Variants in BCKDHB observed in about 807,000 individuals in gnomAD.
BCKDHB encodes branched chain keto acid dehydrogenase E1 subunit beta, also known as 2-oxoisovalerate dehydrogenase subunit beta, mitochondrial.
Under a neutral mutation model 48.5 loss-of-function variants are expected in BCKDHB, and 41 were observed. That is an observed-to-expected ratio of 0.85 (90% CI 0.66 to 1.10). The LOEUF is 1.10. BCKDHB is among the 50% of genes least tolerant of loss of function. BCKDHB has a pLI of 0.00. For missense variants in BCKDHB, 496 were observed against 494.2 expected (o/e 1.00, Z -0.03); for synonymous variants, 201 against 174.8 (o/e 1.15, Z -1.18).
At chr6:80,407,399 C>T in the BCKDHB span, among the ~76,000 whole-genome samples, 1 of 152,012 alleles carries the variant, frequency 6.6e-6, no homozygotes, top group East Asian at 1.9e-4. Flanking sequence ...TGAAGAAAGT[C>T]ATTGGTAGCT....
At chr6:80,432,233 C>T in the BCKDHB span, among the ~76,000 whole-genome samples, 1 of 152,116 alleles carries the variant, frequency 6.6e-6, no homozygotes, top group Non-Finnish European at 1.5e-5. Flanking sequence ...GCCTGCCTTG[C>T]TAGGTTGGGG....
chr6:80,129,337 TG>T (rs1174613311), intron 3 of BCKDHB, 108 bp downstream of exon 3: 4 of 879,224 alleles, frequency 4.5e-6, no homozygotes, highest in African/African-American at 1.7e-5. Flanking sequence ...ATTGTATGGA[TG>T]AATTCCTTTT....
chr6:80,453,645 G>A, the BCKDHB span, among the ~76,000 whole-genome samples: 13 of 152,104 alleles, frequency 8.5e-5, no homozygotes, highest in African/African-American at 3.1e-4. Context: ...AAAGCCCTGA[G>A]GAAATGAGAC....
chr6:80,334,956 C>T (rs920573959), intron 9 of BCKDHB, among the ~76,000 whole-genome samples: 1 of 151,634 alleles, frequency 6.6e-6, no homozygotes, highest in African/African-American at 2.4e-5. Context: ...GCTTCTCATA[C>T]TTTTTAGAAA....
At chr6:80,460,951 T>G in the BCKDHB span, among the ~76,000 whole-genome samples, 1 of 152,140 alleles carries the variant, frequency 6.6e-6, no homozygotes, top group African/African-American at 2.4e-5. Flanking sequence ...GATTCTCCAC[T>G]CTACCTTATG....
At chr6:80,261,751 T>C (rs1473785804) in intron 8 of BCKDHB, among the ~76,000 whole-genome samples, 5 of 152,176 alleles carry the variant, frequency 3.3e-5, no homozygotes, top group Admixed American at 1.3e-4. Flanking sequence ...CGGTTGAGAG[T>C]ACACAGTGGT....
At chr6:80,328,924 A>G (rs1478700612) in intron 9 of BCKDHB, among the ~76,000 whole-genome samples, 2 of 152,208 alleles carry the variant, frequency 1.3e-5, no homozygotes, top group Admixed American at 1.3e-4. Context: ...CATTTATAAA[A>G]ATACAATCTT....
intron 3 of BCKDHB, among the ~76,000 whole-genome samples, chr6:80,149,494 A>C (rs1384608110): frequency 1.3e-5 from 2 of 152,064 alleles, no homozygotes; most frequent in African/African-American, 2.4e-5. Flanking sequence ...ACTATAAATC[A>C]TGCTGCTATA....
At chr6:80,342,876 GT>G (rs1769989748) in intron 9 of BCKDHB, among the ~76,000 whole-genome samples, 1 of 152,144 alleles carries the variant, frequency 6.6e-6, no homozygotes, top group African/African-American at 2.4e-5. Context: ...TGTGGTTGAG[GT>G]TTTCATGTTT....
chr6:80,116,779 G>A (rs768533383), intron 1 of BCKDHB, among the ~76,000 whole-genome samples: 1 of 152,210 alleles, frequency 6.6e-6, no homozygotes, highest in Non-Finnish European at 1.5e-5. Flanking sequence ...GTTTTAAAAT[G>A]TAGCAGTCAT....
intron 5 of BCKDHB, chr6:80,169,794 T>A: frequency 6.3e-7 from 1 of 1,599,720 alleles, no homozygotes; most frequent in Non-Finnish European, 8.5e-7. Context: ...TTTTTTCTTA[T>A]TTGTTTTTTC....
intron 8 of BCKDHB, among the ~76,000 whole-genome samples, chr6:80,253,243 C>T (rs1369398429): frequency 6.6e-6 from 1 of 152,084 alleles, no homozygotes. Flanking sequence ...CCAGTCTAGT[C>T]CTGTAACACC....
the BCKDHB span, among the ~76,000 whole-genome samples, chr6:80,444,149 G>A: frequency 6.6e-6 from 1 of 151,996 alleles, no homozygotes; most frequent in African/African-American, 2.4e-5. Flanking sequence ...TGAAATGGAG[G>A]AAAATGATTT....
At chr6:80,235,999 C>T (rs1776131277) in intron 8 of BCKDHB, among the ~76,000 whole-genome samples, 1 of 152,192 alleles carries the variant, frequency 6.6e-6, no homozygotes, top group Non-Finnish European at 1.5e-5. Context: ...GCAACTTAAC[C>T]TGTGCTCCAT....
At chr6:80,232,964 TATC>T (rs773174113) in intron 8 of BCKDHB, among the ~76,000 whole-genome samples, 144 of 152,220 alleles carry the variant, frequency 9.5e-4, no homozygotes, top group Non-Finnish European at 1.8e-3. Context: ...TATGTAGGAA[TATC>T]ATGAGTAGAT....
chr6:80,273,663 A>G (rs549223978), intron 9 of BCKDHB, among the ~76,000 whole-genome samples: 2 of 152,218 alleles, frequency 1.3e-5, no homozygotes, highest in South Asian at 4.1e-4. Flanking sequence ...TGAATCTCTC[A>G]AAAGTCAATA....
At chr6:80,119,320 CTTTT>C (rs932758904) in intron 1 of BCKDHB, among the ~76,000 whole-genome samples, 5 of 151,930 alleles carry the variant, frequency 3.3e-5, no homozygotes, top group Admixed American at 6.6e-5. Flanking sequence ...ATGTTGACTT[CTTTT>C]TTACTGTTTT....
intron 9 of BCKDHB, among the ~76,000 whole-genome samples, chr6:80,275,727 T>G (rs574904022): frequency 2.0e-5 from 3 of 152,042 alleles, no homozygotes; most frequent in Admixed American, 1.3e-4. Flanking sequence ...ATCTGAGTAA[T>G]AAAATATACC....
intron 5 of BCKDHB, among the ~76,000 whole-genome samples, chr6:80,170,648 C>T (rs368494846): frequency 6.6e-6 from 1 of 152,158 alleles, no homozygotes; most frequent in East Asian, 1.9e-4. Context: ...ACGTGTACTT[C>T]CTACTGTCAT....
Sources: allele counts gnomAD v4.1 joint callset (sites outside exome capture counted in the v4.1 genomes callset), GRCh38; gene constraint gnomAD v4.1.1; transcripts MANE v1.5; gene names NCBI Gene and HGNC (gene_info 2026-07-23, HGNC 2026-07-21).